The following SMC1A variants were observed in gnomAD, a reference collection of about 807,000 sequenced individuals.
The protein encoded by SMC1A is structural maintenance of chromosomes protein 1A.
In SMC1A, 4 loss-of-function variants were observed where a neutral mutation model predicts 94.5. That is an observed-to-expected ratio of 0.04 (90% CI 0.02 to 0.10). The LOEUF (loss-of-function observed/expected upper bound fraction) is 0.10. SMC1A is among the 10% of genes least tolerant of loss of function. The probability of loss-of-function intolerance (pLI) is 1.00; values close to 1 mark genes in which losing one functional copy is unlikely to be tolerated. For synonymous variants in SMC1A, 345 were observed against 347.7 expected (o/e 0.99, Z 0.09); for missense variants, 304 against 989.0 (o/e 0.31, Z 9.29).
intron 19 of SMC1A, among the ~76,000 whole-genome samples, chrX:53,389,838 A>ATTTT (rs1569353558): frequency 1.1e-5 from 1 of 92,256 alleles, no homozygotes; most frequent in African/African-American, 4.1e-5. Context: ...GATGTCCAGA[A>ATTTT]TTTCTTTTTT....
rs1237542320 is a variant in SMC1A, at chrX:53,385,951, A to G, written c.2974-2698T>C. On this transcript the variant is annotated intron_variant, in intron 19 of 24. Transcript: ENST00000322213. ...AGATTACTAATTAATGACAAAGGTA[A>G]AAGTGTACATTTAGCGTTGAAAAAC... 4.5e-5 allele frequency among the ~76,000 whole-genome samples: 5 copies of G among 112,167 alleles called. No individual in the cohort carries two copies. The Admixed American group carries it at 4.7e-4, about 11-fold the overall frequency.
Position 53,375,522 on chromosome X carries a change from A to G in SMC1A, c.*4581T>C, listed in dbSNP as rs1057515955. On this transcript the variant is annotated 3_prime_UTR_variant, in exon 25 of 25. Coordinates refer to ENST00000322213, the MANE Select transcript of SMC1A (RefSeq NM_006306.4). ...AGCCCTCAAAAACATCTCTTGAGGT[A>G]GGAAAGAGGGAGTCAGAGTCCTGGC... The G allele has an allele frequency of 2.7e-5, 3 of 110,471 alleles. No homozygotes were observed. Among genetic ancestry groups the G allele is most frequent in the Non-Finnish European group, 5.7e-5 (3 of 52,801 alleles). 9.1% of individuals were successfully genotyped at this position (110,471 alleles called of 1,213,427 possible).
In SMC1A at chrX:53,403,606, C is replaced by T; in HGVS notation, c.2380G>A (p.Glu794Lys). ...TCATTCTGCCGTTTCACCTTTTCTT[C>T]CTCAAACTCCCGGATGTTGCGCACA... is the stretch of plus-strand genomic sequence containing the variant. Reference protein sequence around the residue: ...IGVRNIREFEEEKVKRQNEIA... With the variant: ...IGVRNIREFEKEKVKRQNEIA... The change falls in exon 15 of 25, where the codon GAA becomes AAA. Residue 794 changes from glutamate to lysine, a missense_variant. Glu to Lys is a moderately conservative substitution (Grantham distance 56). Around this residue, in one of 11 missense-constraint regions of SMC1A, gnomAD observed 57 missense variants for 278.1 expected, o/e 0.20. Coordinates refer to ENST00000322213, the MANE Select transcript of SMC1A (RefSeq NM_006306.4). 8.3e-7 allele frequency: 1 copy of T among 1,207,951 alleles called. No individual in the cohort carries two copies. The highest frequency in any genetic ancestry group is 1.1e-6 in the Non-Finnish European group (1 of 893,609).
chrX:53,404,377 A>T (rs782755052), intron 13 of SMC1A, among the ~76,000 whole-genome samples: 1 of 108,491 alleles, frequency 9.2e-6, no homozygotes, highest in Non-Finnish European at 1.9e-5. Context: ...ACTTTCAAAA[A>T]TTCAAATTTG....
intron 19 of SMC1A, among the ~76,000 whole-genome samples, chrX:53,393,344 G>A (rs1447944962): frequency 1.8e-5 from 2 of 110,248 alleles, no homozygotes; most frequent in Non-Finnish European, 1.9e-5. Flanking sequence ...AAATAAAAAC[G>A]AAGAAGAAAA....
chrX:53,376,185 T>C lies in SMC1A; in HGVS notation c.*3918A>G, dbSNP rs782125552. On this transcript the variant is annotated 3_prime_UTR_variant, in exon 25 of 25. Coordinates refer to ENST00000322213, the MANE Select transcript of SMC1A (RefSeq NM_006306.4). ...GCTACAGGCACGGGCACATACAGCATGAACATCTAACCTAATCTGTTTTCC... is the reference window on the plus strand; with the variant it reads ...GCTACAGGCACGGGCACATACAGCACGAACATCTAACCTAATCTGTTTTCC... 2.7e-5 allele frequency: 3 copies of C among 112,285 alleles called. No individual in the cohort carries two copies. The Admixed American group carries it at 2.8e-4, about 11-fold the overall frequency. The allele number at this position is 112,285 out of a possible 1,213,427, so 9.3% of individuals were successfully genotyped here. A position where few individuals can be genotyped will look rare whatever the true frequency, so the allele number is the denominator to read the frequency against.
intron 16 of SMC1A, among the ~76,000 whole-genome samples, chrX:53,397,492 G>A (rs2075655583): frequency 1.8e-5 from 2 of 111,362 alleles, no homozygotes; most frequent in Non-Finnish European, 3.8e-5. Flanking sequence ...GAGGCGGGAG[G>A]ATCATTTGAG....
rs782789219 is a variant in SMC1A, at chrX:53,378,693, G to A, written c.*1410C>T. ...TTAGAATGGACTTAACTTTTAAAAA[G>A]CAATATACAGATTGGAATTAAAGTG... On this transcript the variant is annotated 3_prime_UTR_variant, in exon 25 of 25. Coordinates refer to ENST00000322213, the MANE Select transcript of SMC1A (RefSeq NM_006306.4). 1 of 112,442 alleles carries A rather than the reference G, an allele frequency of 8.9e-6. No homozygotes were observed. Among genetic ancestry groups the A allele is most frequent in the Non-Finnish European group, 1.9e-5 (1 of 53,295 alleles). 9.3% of individuals were successfully genotyped at this position (112,442 alleles called of 1,213,427 possible). A position where few individuals can be genotyped will look rare whatever the true frequency, so the allele number is the denominator to read the frequency against.
At chrX:53,391,276 C>T (rs2075628557) in intron 19 of SMC1A, among the ~76,000 whole-genome samples, 1 of 109,732 alleles carries the variant, frequency 9.1e-6, no homozygotes, top group African/African-American at 3.3e-5. Flanking sequence ...AGATCATGCC[C>T]CTGAACTCCA....
intron 1 of SMC1A, among the ~76,000 whole-genome samples, chrX:53,418,728 T>C (rs1049507776): frequency 4.5e-5 from 5 of 111,978 alleles, no homozygotes; most frequent in Non-Finnish European, 9.4e-5. Context: ...CCACCGTTCC[T>C]GGCCAAAAAA....
chrX:53,383,276 T>C (rs909433083), intron 19 of SMC1A, 23 bp from the exon 20 acceptor site: 3 of 1,160,947 alleles, frequency 2.6e-6, no homozygotes, highest in Middle Eastern at 3.0e-4. Flanking sequence ...GGCCCAGCAA[T>C]GTCAAGAAGG....
At chrX:53,389,153 A>G (rs781906374) in intron 19 of SMC1A, among the ~76,000 whole-genome samples, 29 of 105,518 alleles carry the variant, frequency 2.7e-4, no homozygotes, top group African/African-American at 9.7e-4. Flanking sequence ...TGAAGGGAAC[A>G]TTTTAAACAC....
chrX:53,410,451 G>C (rs1437452908), intron 7 of SMC1A, among the ~76,000 whole-genome samples: 1 of 110,353 alleles, frequency 9.1e-6, no homozygotes, highest in African/African-American at 3.3e-5. Flanking sequence ...AATTTAGCCA[G>C]GTGTGGTGGC....
chrX:53,418,379 C>T (rs1298633662), intron 1 of SMC1A, among the ~76,000 whole-genome samples: 1 of 111,726 alleles, frequency 9.0e-6, no homozygotes, highest in East Asian at 2.8e-4. Context: ...AAGTGATCCA[C>T]CCACCTCGGT....
chrX:53,418,996 G>C (rs1322268444), intron 1 of SMC1A, among the ~76,000 whole-genome samples: 2 of 97,024 alleles, frequency 2.1e-5, no homozygotes, highest in Non-Finnish European at 4.0e-5. Context: ...AGCTGAGATC[G>C]CGCCACTGCA....
intron 9 of SMC1A, among the ~76,000 whole-genome samples, chrX:53,407,313 C>T (rs1245123263): frequency 1.8e-5 from 2 of 111,561 alleles, no homozygotes; most frequent in Non-Finnish European, 3.8e-5. Context: ...AACTGATCAC[C>T]GATGGCTGAT....
chrX:53,409,301 T>C (rs1264008), intron 8 of SMC1A, 32 bp from the exon 9 acceptor site: 4 of 1,191,153 alleles, frequency 3.4e-6, no homozygotes, highest in Non-Finnish European at 3.4e-6. Flanking sequence ...GAGTTACTCC[T>C]GCTGGTGAGA....
chrX:53,379,306 C>T lies in SMC1A; in HGVS notation c.*797G>A. ...GTCTGTCCCCAGAGCTCATGCTCCA[C>T]TCCTAGTGCCTGACCAAATCCTACC... On this transcript the variant is annotated 3_prime_UTR_variant, in exon 25 of 25. Transcript: ENST00000322213. The T allele has an allele frequency of 8.9e-6, 1 of 111,929 alleles. No individual in the cohort carries two copies. 9.2% of individuals were successfully genotyped at this position (111,929 alleles called of 1,213,427 possible). A position where few individuals can be genotyped will look rare whatever the true frequency, so the allele number is the denominator to read the frequency against.
At position 53,396,326 on chromosome X, in the gene SMC1A, C is replaced by G; in HGVS notation, c.2763G>C (p.Gln921His). 8.3e-7 allele frequency: 1 copy of G among 1,211,555 alleles called. No homozygotes were observed. The highest frequency in any genetic ancestry group is 1.1e-6 in the Non-Finnish European group (1 of 895,341). Residue 921 changes from glutamine (Q) to histidine (H), a missense_variant, in exon 18 of 25, where the codon CAG (glutamine) becomes CAC (histidine). Coordinates refer to ENST00000322213, the MANE Select transcript of SMC1A (RefSeq NM_006306.4). ...GCAAGTTGTGACGGTCACTGCGCTT[C>G]TGTTCAAGCTTGGTCTCAATGGCTG... ...EVTAIETKLE[Q>H]KRSDRHNLLQ...
Sources: gnomAD v4.1 joint callset for allele counts (sites outside exome capture counted in the v4.1 genomes callset) on GRCh38, gnomAD v4.1.1 for gene constraint, gnomAD v4.1.1 regional missense constraint, MANE v1.5 for transcripts, NCBI Gene and HGNC (gene_info 2026-07-23, HGNC 2026-07-21) for gene names.